Variants in SEMA4D observed in about 807,000 individuals in gnomAD.
The protein encoded by SEMA4D is semaphorin-4D.
Under a neutral mutation model 74.8 loss-of-function variants are expected in SEMA4D, and 22 were observed. That is an observed-to-expected ratio of 0.29 (90% CI 0.21 to 0.42). SEMA4D has a LOEUF of 0.42. SEMA4D is among the 10% of genes least tolerant of loss of function. The pLI is 1.00. For missense variants in SEMA4D, 937 were observed against 1,118.4 expected (o/e 0.84, Z 2.31); for synonymous variants, 445 against 463.7 (o/e 0.96, Z 0.52).
intron 13 of SEMA4D, chr9:89,385,990 G>A (rs749636966): frequency 7.1e-6 from 7 of 985,150 alleles, no homozygotes; most frequent in Non-Finnish European, 8.4e-6. Flanking sequence ...TTTCCACGGT[G>A]ACGAGTCAGC....
intron 18 of SEMA4D, among the ~76,000 whole-genome samples, chr9:89,363,272 C>CA (rs1016571027): frequency 2.0e-5 from 3 of 152,178 alleles, no homozygotes; most frequent in African/African-American, 2.4e-5. Flanking sequence ...GGATTTCCCC[C>CA]CCCAGTGTTG....
chr9:89,405,534 T>C lies in SEMA4D; in HGVS notation c.-78A>G. The C allele has an allele frequency of 6.3e-6, 10 of 1,577,240 alleles. No homozygotes were observed. The South Asian group carries it at 1.0e-4, about 16-fold the overall frequency. ...GGCCGGGCAGGTGTGCTATTGCAGA[T>C]GCGGCTCAGCGCCCCAGGACCAGGG... On this transcript the variant is annotated 5_prime_UTR_variant, in exon 3 of 16. Coordinates refer to ENST00000422704, the MANE Select transcript of SEMA4D (RefSeq NM_001371194.2).
chr9:89,495,176 G>A (rs1031022885), intron 1 of SEMA4D, among the ~76,000 whole-genome samples: 7 of 152,136 alleles, frequency 4.6e-5, no homozygotes, highest in East Asian at 1.9e-4. Context: ...GTGGGAAGGC[G>A]GCTGCTGATG....
chr9:89,408,676 A>T (rs1353426430), intron 2 of SEMA4D, among the ~76,000 whole-genome samples: 1 of 151,954 alleles, frequency 6.6e-6, no homozygotes, highest in Non-Finnish European at 1.5e-5. Context: ...GAGGAGGAGG[A>T]GGAGGCAGGC....
intron 2 of SEMA4D, 136 bp downstream of exon 2, chr9:89,455,752 C>T (rs1340043768): frequency 6.6e-6 from 1 of 152,404 alleles, no homozygotes; most frequent in African/African-American, 2.4e-5. Context: ...ACTTTCCAGA[C>T]ACCTGCCTGG....
intron 3 of SEMA4D, among the ~76,000 whole-genome samples, chr9:89,404,303 G>A (rs540087519): frequency 9.9e-5 from 15 of 152,220 alleles, no homozygotes; most frequent in South Asian, 2.1e-4. Flanking sequence ...TTGGCAGCAC[G>A]CCGCGAACAT....
chr9:89,418,464 T>C, intron 2 of SEMA4D: 3 of 974,164 alleles, frequency 3.1e-6, no homozygotes, highest in South Asian at 9.5e-5. Context: ...TACTATCTAA[T>C]TGTCTATTAG....
intron 2 of SEMA4D, among the ~76,000 whole-genome samples, chr9:89,425,953 T>G (rs1380211622): frequency 1.3e-5 from 2 of 152,208 alleles, no homozygotes; most frequent in Non-Finnish European, 2.9e-5. Context: ...GCTCCTTCTC[T>G]TTGCCAACTG....
intron 16 of SEMA4D, chr9:89,367,390 C>G (rs1564487242): frequency 6.6e-6 from 1 of 152,262 alleles, no homozygotes; most frequent in Non-Finnish European, 1.5e-5. Context: ...GTGCTCCAAG[C>G]TCCCTAACCA....
intron 2 of SEMA4D, among the ~76,000 whole-genome samples, chr9:89,438,395 A>G (rs140592873): frequency 2.8e-3 from 431 of 152,352 alleles, no homozygotes; most frequent in Non-Finnish European, 4.1e-3. Context: ...TGCATCACAG[A>G]ATGCAACAAG....
chr9:89,430,703 G>A (rs545520129), intron 2 of SEMA4D, among the ~76,000 whole-genome samples: 9 of 152,350 alleles, frequency 5.9e-5, no homozygotes, highest in African/African-American at 1.7e-4. Flanking sequence ...TGGGCCGAGC[G>A]TGGTGGCCCA....
intron 2 of SEMA4D, among the ~76,000 whole-genome samples, chr9:89,421,802 T>C (rs955840840): frequency 2.0e-5 from 3 of 149,476 alleles, no homozygotes; most frequent in African/African-American, 2.5e-5. Context: ...TGTGTGTGCG[T>C]GTGTGTGTGT....
chr9:89,481,298 C>T (rs1240177864), intron 1 of SEMA4D, among the ~76,000 whole-genome samples: 1 of 152,188 alleles, frequency 6.6e-6, no homozygotes, highest in Admixed American at 6.5e-5. Context: ...GGAGGCGGGG[C>T]CCATCAGCAA....
chr9:89,361,471 G>A (rs4877075), exon 19 of SEMA4D: 20,404 of 151,994 alleles, frequency 0.13, 1,855 homozygotes, highest in Admixed American at 0.3. Context: ...AAGAAGAGAC[G>A]TGTGTGTAAG....
intron 15 of SEMA4D, 94 bp from the exon 16 acceptor site, chr9:89,379,723 C>T (rs1291716474): frequency 7.2e-7 from 1 of 1,391,402 alleles, no homozygotes; most frequent in Admixed American, 2.2e-5. Flanking sequence ...GCAAGAGTTT[C>T]ACCCACTGTA....
intron 2 of SEMA4D, among the ~76,000 whole-genome samples, chr9:89,432,572 C>A (rs1237826237): frequency 6.6e-6 from 1 of 152,130 alleles, no homozygotes; most frequent in Non-Finnish European, 1.5e-5. Flanking sequence ...ATTTGCAGGC[C>A]CTCAATGATA....
intron 1 of SEMA4D, among the ~76,000 whole-genome samples, chr9:89,461,490 G>A (rs1442828884): frequency 3.3e-5 from 5 of 152,150 alleles, no homozygotes; most frequent in African/African-American, 4.8e-5. Flanking sequence ...GCAGTTCTGA[G>A]TCCTGACAAC....
exon 19 of SEMA4D, chr9:89,362,192 A>T (rs117120897): frequency 0.011 from 7,586 of 711,094 alleles, 162 homozygotes; most frequent in South Asian, 0.059. Flanking sequence ...TTTAAGTCTT[A>T]GTTCCTGTCA....
At chr9:89,371,482 T>C (rs1373516446) in intron 16 of SEMA4D, among the ~76,000 whole-genome samples, 1 of 73,146 alleles carries the variant, frequency 1.4e-5, no homozygotes, top group East Asian at 4.5e-4. Context: ...GTGTGATGTG[T>C]GTGGGATGTG....
Sources: gnomAD v4.1 joint callset for allele counts (sites outside exome capture counted in the v4.1 genomes callset) on GRCh38, gnomAD v4.1.1 for gene constraint, MANE v1.5 for transcripts, NCBI Gene and HGNC (gene_info 2026-07-23, HGNC 2026-07-21) for gene names.